The following FRMD3 variants were observed in gnomAD, a reference collection of about 807,000 sequenced individuals.
FRMD3 encodes FERM domain containing 3.
FRMD3 carries 33 observed loss-of-function variants against 70.2 expected under a neutral mutation model. That is an observed-to-expected ratio of 0.47 (90% CI 0.36 to 0.63). The LOEUF (loss-of-function observed/expected upper bound fraction) is 0.63. Ranked by LOEUF, FRMD3 falls within the 20% of genes least tolerant of loss-of-function variation. The pLI, the probability that FRMD3 is intolerant of heterozygous loss-of-function variation, is 0.00. For synonymous variants in FRMD3, 279 were observed against 255.9 expected (o/e 1.09, Z -0.86); for missense variants, 632 against 711.4 (o/e 0.89, Z 1.27).
chr9:83,412,205 GTGT>G (rs1274250297), intron 1 of FRMD3, among the ~76,000 whole-genome samples: 1 of 152,090 alleles, frequency 6.6e-6, no homozygotes, highest in Non-Finnish European at 1.5e-5. Context: ...CTATTCATAC[GTGT>G]TGTTGTGTGA....
chr9:83,254,538 G>C (rs757177480), intron 13 of FRMD3, among the ~76,000 whole-genome samples: 18 of 150,858 alleles, frequency 1.2e-4, no homozygotes, highest in Non-Finnish European at 2.4e-4. Flanking sequence ...CAAGATCAGA[G>C]AGAAGTGAAG....
chr9:83,450,712 G>C (rs1360703987), intron 1 of FRMD3, among the ~76,000 whole-genome samples: 1 of 152,260 alleles, frequency 6.6e-6, no homozygotes, highest in East Asian at 1.9e-4. Flanking sequence ...ACTCGCACCA[G>C]GTATTGATGG....
chr9:83,286,714 C>T (rs1238603301), intron 13 of FRMD3, among the ~76,000 whole-genome samples: 1 of 151,990 alleles, frequency 6.6e-6, no homozygotes, highest in East Asian at 1.9e-4. Context: ...GATTTGAAAC[C>T]CCCAGACAAG....
chr9:83,356,270 C>CTTTTTTTTTTTTT (rs1824332411), intron 3 of FRMD3, among the ~76,000 whole-genome samples: 5 of 114,922 alleles, frequency 4.4e-5, no homozygotes, highest in African/African-American at 1.8e-4. Context: ...CACTCAGCAG[C>CTTTTTTTTTTTTT]ATTTTTTTTT....
chr9:83,380,032 T>A (rs1244129713), intron 2 of FRMD3, among the ~76,000 whole-genome samples: 2 of 152,178 alleles, frequency 1.3e-5, no homozygotes, highest in African/African-American at 4.8e-5. Flanking sequence ...TATACAGAAA[T>A]TTTTATCTCA....
chr9:83,467,638 G>A (rs1257641521), intron 1 of FRMD3: 1 of 1,534,084 alleles, frequency 6.5e-7, no homozygotes, highest in Admixed American at 2.0e-5. Context: ...TGCATAAGCA[G>A]GTCTCCTTGT....
chr9:83,453,950 C>T (rs893156689), intron 1 of FRMD3, among the ~76,000 whole-genome samples: 4 of 151,982 alleles, frequency 2.6e-5, no homozygotes, highest in African/African-American at 7.2e-5. Flanking sequence ...CTCCTGACCT[C>T]GTGATCCATC....
At position 83,246,239 on chromosome 9, in the gene FRMD3, A is replaced by G; in HGVS notation, c.*1679T>C. ...TAACTTTGTACATTAGGGCAGTGGA[A>G]TGTTTTCAATCCACAGAGAAGCTCT... On this transcript the variant is annotated 3_prime_UTR_variant, in exon 14 of 14. Coordinates refer to ENST00000304195, the MANE Select transcript of FRMD3 (RefSeq NM_174938.6). 1 of 984,484 alleles carries G rather than the reference A, an allele frequency of 1.0e-6. No homozygotes were observed. Among genetic ancestry groups the G allele is most frequent in the Non-Finnish European group, 1.2e-6 (1 of 829,160 alleles). 61.0% of individuals were successfully genotyped at this position (984,484 alleles called of 1,614,324 possible). A position where few individuals can be genotyped will look rare whatever the true frequency, so the allele number is the denominator to read the frequency against.
At chr9:83,260,134 C>T (rs935591924) in intron 13 of FRMD3, among the ~76,000 whole-genome samples, 4 of 152,172 alleles carry the variant, frequency 2.6e-5, no homozygotes, top group Admixed American at 6.5e-5. Flanking sequence ...TGTCCATAAA[C>T]TGTCCTACTT....
At chr9:83,275,742 TAA>T (rs1005176782) in intron 13 of FRMD3, among the ~76,000 whole-genome samples, 13 of 152,132 alleles carry the variant, frequency 8.5e-5, no homozygotes, top group African/African-American at 3.1e-4. Flanking sequence ...CCCTCATGAA[TAA>T]AACTAGGGCC....
At chr9:83,305,253 G>A (rs1198999859) in intron 10 of FRMD3, among the ~76,000 whole-genome samples, 1 of 152,176 alleles carries the variant, frequency 6.6e-6, no homozygotes, top group East Asian at 1.9e-4. Context: ...CATAATCAGA[G>A]TCTTCCCAAT....
At chr9:83,577,157 T>C in the FRMD3 span, among the ~76,000 whole-genome samples, 9 of 152,100 alleles carry the variant, frequency 5.9e-5, no homozygotes, top group African/African-American at 1.9e-4. Flanking sequence ...CTCAAATTGA[T>C]CTATAGATTG....
chr9:83,420,483 C>T (rs1424443410), intron 1 of FRMD3, among the ~76,000 whole-genome samples: 2 of 152,312 alleles, frequency 1.3e-5, no homozygotes, highest in African/African-American at 4.8e-5. Flanking sequence ...GTGATTCCCA[C>T]CCCTCTCCTA....
intron 13 of FRMD3, chr9:83,279,417 G>T (rs1833896315): frequency 6.6e-6 from 1 of 152,152 alleles, no homozygotes; most frequent in Non-Finnish European, 1.5e-5. Flanking sequence ...CATTTAAAAA[G>T]AAGATGGCAC....
chr9:83,389,446 G>A (rs1587805915), intron 2 of FRMD3, among the ~76,000 whole-genome samples, 158 bp downstream of exon 2: 1 of 152,182 alleles, frequency 6.6e-6, no homozygotes, highest in East Asian at 1.9e-4. Flanking sequence ...ACCCAGTCCA[G>A]TGAGGACAAT....
chr9:83,579,582 G>A, the FRMD3 span, among the ~76,000 whole-genome samples: 4 of 152,118 alleles, frequency 2.6e-5, no homozygotes, highest in East Asian at 7.7e-4. Context: ...ATATCCACAT[G>A]CAAAAGAATA....
Position 83,325,516 on chromosome 9 carries a change from G to T in FRMD3, c.596+10000C>A, listed in dbSNP as rs187152472. The stretch of plus-strand genomic sequence containing the variant: ...ATTTTTGTATTTTTTGTAGAGACAG[G>T]ATTTCACCATGTTGCCCACGCTGGT... On this transcript the variant is annotated intron_variant, in intron 6 of 13. Coordinates refer to ENST00000304195, the MANE Select transcript of FRMD3 (RefSeq NM_174938.6). Among the ~76,000 whole-genome samples the T allele has an allele frequency of 6.6e-5, 10 of 151,964 alleles. No homozygotes were observed. The East Asian group carries it at 1.7e-3, about 27-fold the overall frequency.
At chr9:83,363,462 A>G (rs1046954438) in intron 3 of FRMD3, among the ~76,000 whole-genome samples, 1 of 152,258 alleles carries the variant, frequency 6.6e-6, no homozygotes, top group South Asian at 2.1e-4. Flanking sequence ...ATGCTGTAAT[A>G]AACACCCTTG....
At chr9:83,375,855 C>A (rs1481681368) in intron 2 of FRMD3, among the ~76,000 whole-genome samples, 1 of 152,066 alleles carries the variant, frequency 6.6e-6, no homozygotes, top group Non-Finnish European at 1.5e-5. Flanking sequence ...TGCACATGTA[C>A]CCCTAACTTA....
Sources: allele counts gnomAD v4.1 joint callset (sites outside exome capture counted in the v4.1 genomes callset), GRCh38; gene constraint gnomAD v4.1.1; transcripts MANE v1.5; gene names NCBI Gene and HGNC (gene_info 2026-07-23, HGNC 2026-07-21).